Variants in PCDHGC3 observed in about 807,000 individuals in gnomAD.
The protein encoded by PCDHGC3 is protocadherin gamma-C3.
A neutral mutation model predicts 59.2 loss-of-function variants in PCDHGC3; 26 were observed. The observed-to-expected ratio is 0.44, with a 90% CI of 0.32 to 0.61. The LOEUF (loss-of-function observed/expected upper bound fraction) is 0.61. Among genes scored for constraint, PCDHGC3 ranks in the 20% least tolerant of loss-of-function variants. PCDHGC3 has a pLI of 0.05. For synonymous variants in PCDHGC3, 487 were observed against 519.7 expected (o/e 0.94, Z 0.86); for missense variants, 1,080 against 1,221.8 (o/e 0.88, Z 1.73).
Position 141,489,934 on chromosome 5 carries a change from G to A in PCDHGC3, c.2431-4873G>A, listed in dbSNP as rs777780708. 1.7e-5 allele frequency: 28 copies of A among 1,614,176 alleles called. No homozygotes were observed. Among genetic ancestry groups the A allele is most frequent in the East Asian group, 6.7e-5 (3 of 44,876 alleles). On this transcript the variant is annotated intron_variant, in intron 1 of 3. Coordinates refer to ENST00000308177, the MANE Select transcript of PCDHGC3 (RefSeq NM_002588.4). This position sits in a 1 kb window ranked among gnomAD's most constrained non-coding sequence, Gnocchi z 4.5. ...AGGGACCACCCTTATCTCTGTCATCGTGCTGGACATCAATGATAATGCTCC... is the reference window on the plus strand; with the variant it reads ...AGGGACCACCCTTATCTCTGTCATCATGCTGGACATCAATGATAATGCTCC...
At position 141,491,303 on chromosome 5, in the gene PCDHGC3, C is replaced by T; in HGVS notation, c.2431-3504C>T. On this transcript the variant is annotated intron_variant, in intron 1 of 3. Coordinates refer to ENST00000308177, the MANE Select transcript of PCDHGC3 (RefSeq NM_002588.4). This position sits in a 1 kb window ranked among gnomAD's most constrained non-coding sequence, Gnocchi z 6.9. ...TTCCTCATACACCCTCCTGAGCGTT[C>T]AGACCTTACCCTTTACCTCATTGTG... 6.2e-7 allele frequency: 1 copy of T among 1,614,132 alleles called. No homozygotes were observed. The highest frequency in any genetic ancestry group is 8.5e-7 in the Non-Finnish European group (1 of 1,179,962).
At chr5:141,483,534 G>C (rs754118568) in intron 1 of PCDHGC3, among the ~76,000 whole-genome samples, 1 of 152,102 alleles carries the variant, frequency 6.6e-6, no homozygotes, top group Non-Finnish European at 1.5e-5. Flanking sequence ...AAGGAAGCTG[G>C]GTGGTTGACA....
chr5:141,486,011 T>C lies in PCDHGC3; in HGVS notation c.2430+7465T>C. The C allele has an allele frequency of 6.2e-7, 1 of 1,614,188 alleles. No individual in the cohort carries two copies. Among genetic ancestry groups the C allele is most frequent in the Non-Finnish European group, 8.5e-7 (1 of 1,180,014 alleles). ...GGGTCCCAGTGGTAACGTCACCTTTTATTTCAGTGGTCATACCCCTGATCG... is the reference window on the plus strand; with the variant it reads ...GGGTCCCAGTGGTAACGTCACCTTTCATTTCAGTGGTCATACCCCTGATCG... On this transcript the variant is annotated intron_variant, in intron 1 of 3. Coordinates refer to ENST00000308177, the MANE Select transcript of PCDHGC3 (RefSeq NM_002588.4). This position sits in a 1 kb window ranked among gnomAD's most constrained non-coding sequence, Gnocchi z 5.0.
At chr5:141,488,705 G>C (rs1024064135) in intron 1 of PCDHGC3, among the ~76,000 whole-genome samples, 8 of 152,200 alleles carry the variant, frequency 5.3e-5, no homozygotes, top group Non-Finnish European at 1.2e-4. Context: ...AGATTTTGCT[G>C]GTTCAAGCAA....
chr5:141,497,492 C>G (rs954582026), intron 2 of PCDHGC3, among the ~76,000 whole-genome samples: 1 of 151,628 alleles, frequency 6.6e-6, no homozygotes, highest in Non-Finnish European at 1.5e-5. Flanking sequence ...ACCTCTCTCT[C>G]TCTCCTCTCT....
intron 3 of PCDHGC3, among the ~76,000 whole-genome samples, chr5:141,509,089 G>C (rs1366018197): frequency 6.6e-6 from 1 of 152,158 alleles, no homozygotes; most frequent in Non-Finnish European, 1.5e-5. Context: ...ACATGAAATG[G>C]GGGCTGTAGA....
rs2154586601 is a variant in PCDHGC3, at chr5:141,491,555, A to G, written c.2431-3252A>G. The G allele has an allele frequency of 6.2e-7, 1 of 1,613,986 alleles. No homozygotes were observed. The highest frequency in any genetic ancestry group is 2.2e-5 in the East Asian group (1 of 44,862). ...CTGCGGCCCACAGACTCGCAGAGCC[A>G]CTGCTACAGGACGTGCTTTTCACCG... On this transcript the variant is annotated intron_variant, in intron 1 of 3. Transcript: ENST00000308177. This position sits in a 1 kb window ranked among gnomAD's most constrained non-coding sequence, Gnocchi z 6.9.
intron 1 of PCDHGC3, 184 bp downstream of exon 1, chr5:141,478,730 G>A: frequency 6.5e-7 from 1 of 1,538,906 alleles, no homozygotes; most frequent in South Asian, 1.2e-5. Flanking sequence ...GCCAGAGTGT[G>A]GTTTGTGGTC....
At chr5:141,488,691 G>A (rs1443084778) in intron 1 of PCDHGC3, among the ~76,000 whole-genome samples, 2 of 152,192 alleles carry the variant, frequency 1.3e-5, no homozygotes, top group Non-Finnish European at 2.9e-5. Flanking sequence ...CTCCCAGAAG[G>A]ACAAGATTTT....
chr5:141,505,324 G>A, intron 2 of PCDHGC3, 69 bp from the exon 3 acceptor site: 2 of 1,607,104 alleles, frequency 1.2e-6, no homozygotes, highest in African/African-American at 1.3e-5. Context: ...GGAGCCCTGG[G>A]AGAGGACAGG....
In PCDHGC3 at chr5:141,486,828, G is replaced by T. The variant is rs140257646; in HGVS notation, c.2431-7979G>T. ...CCCCTTAGCAGCACTGTAACAGTTC[G>T]TCTATTTGTGCTGGACCTCAATGAC... On this transcript the variant is annotated intron_variant, in intron 1 of 3. Coordinates refer to ENST00000308177, the MANE Select transcript of PCDHGC3 (RefSeq NM_002588.4). This position sits in a 1 kb window ranked among gnomAD's most constrained non-coding sequence, Gnocchi z 5.0. The T allele has an allele frequency of 8.7e-6, 14 of 1,614,218 alleles. No homozygotes were observed. The highest frequency in any genetic ancestry group is 1.2e-5 in the Non-Finnish European group (14 of 1,180,042).
chr5:141,496,766 CT>C (rs1361332988), intron 2 of PCDHGC3, among the ~76,000 whole-genome samples: 1 of 152,068 alleles, frequency 6.6e-6, no homozygotes, highest in Non-Finnish European at 1.5e-5. Context: ...TATCGAGCAT[CT>C]ACTATGAGCA....
chr5:141,501,162 C>T (rs922957843), intron 2 of PCDHGC3, among the ~76,000 whole-genome samples: 1 of 152,134 alleles, frequency 6.6e-6, no homozygotes, highest in Non-Finnish European at 1.5e-5. Context: ...CCACCATCCC[C>T]AGCCTCATTT....
At chr5:141,509,040 C>G (rs1217864661) in intron 3 of PCDHGC3, among the ~76,000 whole-genome samples, 1 of 152,132 alleles carries the variant, frequency 6.6e-6, no homozygotes, top group Non-Finnish European at 1.5e-5. Context: ...CAACCCCTCT[C>G]CCCCGCCCCC....
chr5:141,488,437 C>A (rs1327345486), intron 1 of PCDHGC3, among the ~76,000 whole-genome samples: 2 of 152,210 alleles, frequency 1.3e-5, no homozygotes, highest in Non-Finnish European at 2.9e-5. Context: ...CCTCTGACCA[C>A]CCTCCTGGGT....
At position 141,477,053 on chromosome 5, in the gene PCDHGC3, G is replaced by C; in HGVS notation, c.937G>C (p.Glu313Gln). The part of the protein sequence containing the change: ...MLTIKGRLDF[E>Q]DTKLHEIYIQ... ...GACAATCAAGGGTCGGCTGGACTTC[G>C]AGGACACCAAACTCCATGAGATTTA... The change falls in exon 1 of 4, where the codon GAG (glutamate) becomes CAG (glutamine). Residue 313 changes from glutamate to glutamine, a missense_variant. Coordinates refer to ENST00000308177, the MANE Select transcript of PCDHGC3 (RefSeq NM_002588.4). This position sits in a 1 kb window ranked among gnomAD's most constrained non-coding sequence, Gnocchi z 4.9. The C allele has an allele frequency of 6.2e-7, 1 of 1,614,230 alleles. No homozygotes were observed. Among genetic ancestry groups the C allele is most frequent in the Non-Finnish European group, 8.5e-7 (1 of 1,180,032 alleles).
chr5:141,485,229 T>G lies in PCDHGC3; in HGVS notation c.2430+6683T>G, dbSNP rs2099609870. ...ATCTGGCGGTGGGCTACCCTTTTGT[T>G]CCTCTTTTACCACCTGGGTTACGTT... is the stretch of plus-strand genomic sequence containing the variant. On this transcript the variant is annotated intron_variant, in intron 1 of 3. Coordinates refer to ENST00000308177, the MANE Select transcript of PCDHGC3 (RefSeq NM_002588.4). The surrounding 1 kb of genome is among the most constrained non-coding windows in gnomAD (Gnocchi z 5.7). 6.2e-7 allele frequency: 1 copy of G among 1,614,042 alleles called. No individual in the cohort carries two copies. The highest frequency in any genetic ancestry group is 8.5e-7 in the Non-Finnish European group (1 of 1,180,030).
rs757797019 is a variant in PCDHGC3 at position 141,487,064 on chromosome 5, G to A, written c.2431-7743G>A. On this transcript the variant is annotated intron_variant, in intron 1 of 3. Transcript: ENST00000308177. The surrounding 1 kb of genome is among the most constrained non-coding windows in gnomAD (Gnocchi z 5.0). The stretch of plus-strand genomic sequence containing the variant: ...TCGATATGCTGGGGAGGTGCGGACG[G>A]CTGTTCCTATCCCAGCTGACCTCCC... 6.2e-6 allele frequency: 10 copies of A among 1,614,006 alleles called. No individual in the cohort carries two copies.
chr5:141,489,994 C>A lies in PCDHGC3; in HGVS notation c.2431-4813C>A, dbSNP rs1307285048. The A allele has an allele frequency of 1.2e-5, 19 of 1,614,192 alleles. No individual in the cohort carries two copies. The highest frequency in any genetic ancestry group is 1.6e-4 in the Middle Eastern group (1 of 6,062). On this transcript the variant is annotated intron_variant, in intron 1 of 3. Transcript: ENST00000308177. This position sits in a 1 kb window ranked among gnomAD's most constrained non-coding sequence, Gnocchi z 4.5. Reference sequence around the variant, plus strand: ...ATCCTCAGTTCTACGTGTGGGAATCCCAGAGAATGCACCCATTGGTACTCT... The same window carrying A: ...ATCCTCAGTTCTACGTGTGGGAATCACAGAGAATGCACCCATTGGTACTCT...
Sources: allele counts gnomAD v4.1 joint callset (sites outside exome capture counted in the v4.1 genomes callset), GRCh38; gene constraint gnomAD v4.1.1; non-coding constraint Gnocchi (gnomAD v3.1); transcripts MANE v1.5; gene names NCBI Gene and HGNC (gene_info 2026-07-23, HGNC 2026-07-21).